PTPRD: variants seen among roughly 807,000 people sequenced by gnomAD.
The protein encoded by PTPRD is protein tyrosine phosphatase receptor type D, also known as receptor-type tyrosine-protein phosphatase delta.
A neutral mutation model predicts 214.5 loss-of-function variants in PTPRD; 34 were observed. The observed-to-expected ratio is 0.16, with a 90% CI of 0.12 to 0.21. PTPRD has a LOEUF of 0.21. Ranked by LOEUF, PTPRD falls within the 10% of genes least tolerant of loss-of-function variation. The pLI is 1.00. For synonymous variants in PTPRD, 1,128 were observed against 845.7 expected (o/e 1.33, Z -5.79); for missense variants, 2,545 against 2,398.7 (o/e 1.06, Z -1.27).
chr9:8,567,046 G>C (rs991601458), intron 14 of PTPRD, among the ~76,000 whole-genome samples: 3 of 152,070 alleles, frequency 2.0e-5, no homozygotes, highest in African/African-American at 4.8e-5. Context: ...CTTCTCCAAC[G>C]AATCTCTCCT....
intron 5 of PTPRD, among the ~76,000 whole-genome samples, chr9:9,791,791 T>C (rs16930328): frequency 0.02 from 3,002 of 152,292 alleles, 115 homozygotes; most frequent in African/African-American, 0.069. Context: ...AATCGAGAAA[T>C]CATTTTTTGC....
At chr9:8,966,936 CAA>C (rs2099199434) in intron 11 of PTPRD, among the ~76,000 whole-genome samples, 1 of 142,104 alleles carries the variant, frequency 7.0e-6, no homozygotes, top group Non-Finnish European at 1.5e-5. Flanking sequence ...AAACAAACAA[CAA>C]AACAACAAAC....
At chr9:8,868,366 T>A (rs190781380) in intron 11 of PTPRD, among the ~76,000 whole-genome samples, 1 of 151,562 alleles carries the variant, frequency 6.6e-6, no homozygotes, top group Non-Finnish European at 1.5e-5. Context: ...ACCTAACTAA[T>A]TTTTTTTTGT....
intron 14 of PTPRD, among the ~76,000 whole-genome samples, chr9:8,571,922 G>C (rs558631150): frequency 6.6e-6 from 1 of 152,200 alleles, no homozygotes; most frequent in South Asian, 2.1e-4. Flanking sequence ...TTTGGTCATG[G>C]TCTCTTTCAG....
chr9:8,717,368 A>C (rs1321995923), intron 12 of PTPRD, among the ~76,000 whole-genome samples: 2 of 152,198 alleles, frequency 1.3e-5, no homozygotes, highest in African/African-American at 4.8e-5. Context: ...AAGTCAACTC[A>C]TCATGACATC....
intron 14 of PTPRD, among the ~76,000 whole-genome samples, chr9:8,557,437 T>TAC (rs756287504): frequency 6.0e-5 from 8 of 134,346 alleles, no homozygotes; most frequent in African/African-American, 1.4e-4. Flanking sequence ...TGTAAATACA[T>TAC]ATATATATAT....
At chr9:10,397,261 T>G (rs2098188415) in intron 2 of PTPRD, among the ~76,000 whole-genome samples, 1 of 152,062 alleles carries the variant, frequency 6.6e-6, no homozygotes. Flanking sequence ...TACTCTATGT[T>G]GCAGTTTCCA....
At chr9:10,167,573 C>T (rs1364621998) in intron 3 of PTPRD, among the ~76,000 whole-genome samples, 20 of 152,140 alleles carry the variant, frequency 1.3e-4, no homozygotes, top group Admixed American at 1.3e-3. Flanking sequence ...AAGTATTATG[C>T]ATACATATAT....
intron 3 of PTPRD, among the ~76,000 whole-genome samples, chr9:10,084,741 G>C (rs1195530076): frequency 2.0e-5 from 3 of 151,874 alleles, no homozygotes; most frequent in Non-Finnish European, 4.4e-5. Flanking sequence ...TAGATAATAT[G>C]TAAAACATCA....
chr9:9,633,614 C>T (rs1348863133), intron 7 of PTPRD, among the ~76,000 whole-genome samples: 1 of 152,132 alleles, frequency 6.6e-6, no homozygotes, highest in Non-Finnish European at 1.5e-5. Flanking sequence ...TCCCTCAGCT[C>T]AGTCTGGTTA....
chr9:9,629,728 C>A (rs1253621083), intron 7 of PTPRD, among the ~76,000 whole-genome samples: 1 of 152,030 alleles, frequency 6.6e-6, no homozygotes, highest in Non-Finnish European at 1.5e-5. Context: ...AGGAAAATGT[C>A]TTTTGGGGAA....
intron 2 of PTPRD, among the ~76,000 whole-genome samples, chr9:10,598,004 T>C (rs946991995): frequency 6.6e-6 from 1 of 151,756 alleles, no homozygotes; most frequent in Non-Finnish European, 1.5e-5. Context: ...ACGTAATATA[T>C]AGGCATTTGC....
At chr9:9,543,601 A>C (rs1454879546) in intron 8 of PTPRD, among the ~76,000 whole-genome samples, 1 of 151,604 alleles carries the variant, frequency 6.6e-6, no homozygotes, top group Non-Finnish European at 1.5e-5. Context: ...ATGCAGGTAC[A>C]AATAACTTGC....
At position 10,479,469 on chromosome 9, in the gene PTPRD, C is replaced by A. The variant is rs2099083001; in HGVS notation, c.-600+132929G>T. Among the ~76,000 whole-genome samples the A allele has an allele frequency of 1.3e-5, 2 of 151,942 alleles. 1 individual carries two copies. The highest frequency in any genetic ancestry group is 4.2e-4 in the South Asian group (2 of 4,814). Reference sequence around the variant, plus strand: ...AAACTTAACTTGTACTCTAACCCGGCACGACTTCAACTTTAAACCACACAT... The same window carrying A: ...AAACTTAACTTGTACTCTAACCCGGAACGACTTCAACTTTAAACCACACAT... On this transcript the variant is annotated intron_variant, in intron 2 of 45. Transcript: ENST00000381196.
At chr9:10,077,236 C>G (rs1051255665) in intron 3 of PTPRD, among the ~76,000 whole-genome samples, 2 of 152,124 alleles carry the variant, frequency 1.3e-5, no homozygotes, top group Non-Finnish European at 2.9e-5. Flanking sequence ...CTGCTCACCC[C>G]TTTCTCCCAT....
chr9:10,111,882 A>G (rs1442579626), intron 3 of PTPRD, among the ~76,000 whole-genome samples: 1 of 152,206 alleles, frequency 6.6e-6, no homozygotes, highest in Non-Finnish European at 1.5e-5. Flanking sequence ...GAAAGATTGC[A>G]TACATAAAGA....
chr9:10,342,645 C>G (rs1054580412), intron 2 of PTPRD, among the ~76,000 whole-genome samples: 4 of 151,962 alleles, frequency 2.6e-5, no homozygotes, highest in African/African-American at 9.7e-5. Flanking sequence ...TTTTATTGTT[C>G]TTAATTTTCC....
intron 3 of PTPRD, among the ~76,000 whole-genome samples, chr9:10,182,806 G>C (rs1345927144): frequency 2.6e-5 from 4 of 152,042 alleles, no homozygotes; most frequent in Admixed American, 1.3e-4. Context: ...AAATAATCTG[G>C]CAATACTTTA....
At chr9:10,206,526 A>ACTTTG (rs1227728993) in intron 3 of PTPRD, among the ~76,000 whole-genome samples, 2 of 152,206 alleles carry the variant, frequency 1.3e-5, no homozygotes, top group Non-Finnish European at 2.9e-5. Flanking sequence ...TTTTGATGGT[A>ACTTTG]ATAACTTTGA....
Sources: allele counts gnomAD v4.1 joint callset (sites outside exome capture counted in the v4.1 genomes callset), GRCh38; gene constraint gnomAD v4.1.1; transcripts MANE v1.5; gene names NCBI Gene and HGNC (gene_info 2026-07-23, HGNC 2026-07-21).